Variants in QTRT1 observed in about 807,000 individuals in gnomAD.
The protein encoded by QTRT1 is queuine tRNA-ribosyltransferase catalytic subunit 1.
A neutral mutation model predicts 44.0 loss-of-function variants in QTRT1; 41 were observed. The observed-to-expected ratio is 0.93, with a 90% CI of 0.73 to 1.21. QTRT1 has a LOEUF of 1.21. Among genes scored for constraint, QTRT1 ranks in the 50% most tolerant of loss-of-function variants. QTRT1 has a pLI of 0.00. For synonymous variants in QTRT1, 226 were observed against 237.1 expected, an observed-to-expected ratio of 0.95 and a Z score of 0.43; for missense variants, 542 against 575.8, an observed-to-expected ratio of 0.94 and a Z score of 0.60.
chr19:10,702,199 C>G lies in QTRT1; in HGVS notation c.396C>G (p.Asp132Glu). 1.2e-6 allele frequency: 2 copies of G among 1,614,108 alleles called. No homozygotes were observed. Residue 132 changes from aspartate (D) to glutamate (E), a missense_variant, in exon 3 of 10, where the codon GAC becomes GAG. By Grantham distance (45) the Asp-to-Glu change is conservative. Coordinates refer to ENST00000250237, the MANE Select transcript of QTRT1 (RefSeq NM_031209.3). ...EEGVRFRSPYDGNETLLSPEK... is the reference protein window; with the variant it reads ...EEGVRFRSPYEGNETLLSPEK... Reference sequence around the variant, plus strand: ...GCGTCCGCTTCCGCTCCCCCTACGACGGCAATGAGACCCTGCTGAGCCCGG... The same window carrying G: ...GCGTCCGCTTCCGCTCCCCCTACGAGGGCAATGAGACCCTGCTGAGCCCGG...
intron 5 of QTRT1, among the ~76,000 whole-genome samples, chr19:10,710,688 G>A (rs1255236941): frequency 1.2e-4 from 18 of 151,924 alleles, no homozygotes; most frequent in Non-Finnish European, 2.2e-4. Context: ...TTGGGAGGCT[G>A]CAGTGGGCGG....
chr19:10,713,147 C>A lies in QTRT1; in HGVS notation c.1089C>A (p.Ser363Arg). The A allele has an allele frequency of 1.2e-6, 2 of 1,609,272 alleles. No homozygotes were observed. The highest frequency in any genetic ancestry group is 1.7e-5 in the Admixed American group (1 of 59,872). Residue 363 changes from serine to arginine, a missense_variant, in exon 10 of 10, where the codon AGC (serine) becomes AGA (arginine). Ser to Arg is a moderately radical substitution (Grantham distance 110, BLOSUM62 -1). Transcript: ENST00000250237. This position sits in a 1 kb window ranked among gnomAD's most constrained non-coding sequence, Gnocchi z 4.3. ...QLQLMSAVRTSIVEKRFPDFV... is the reference protein window; with the variant it reads ...QLQLMSAVRTRIVEKRFPDFV... ...AGCTCATGAGCGCCGTCCGCACCAG[C>A]ATCGTGGAGAAGCGCTTCCCGGACT...
Position 10,702,759 on chromosome 19 carries a change from C to CTT in QTRT1, c.451+531_451+532dup, listed in dbSNP as rs34948949. 3.5e-4 allele frequency among the ~76,000 whole-genome samples: 24 copies of CTT among 68,482 alleles called. 1 individual carries two copies. Among genetic ancestry groups the CTT allele is most frequent in the South Asian group, 1.7e-3 (2 of 1,208 alleles). The allele number at this position is 68,482 out of a possible 152,430, so 44.9% of individuals were successfully genotyped here. ...CTTCTCCCATATCCTCAATATCCTT[C>CTT]TTTTTTTTTTTTTTTTTTTTTTTTT... On this transcript the variant is annotated intron_variant, in intron 3 of 9. Transcript: ENST00000250237.
chr19:10,713,004 G>A lies in QTRT1; in HGVS notation c.1023G>A (p.Ala341=), dbSNP rs1045873065. Residue 341 remains alanine, a synonymous_variant, in exon 9 of 10, where the codon GCG becomes GCA. Transcript: ENST00000250237. The surrounding 1 kb of genome is among the most constrained non-coding windows in gnomAD (Gnocchi z 4.3). ...TGCTGCACAGTGACAACACGGCCGC[G>A]CTGCACCACCTCACGGTCCACAACA... The part of the protein sequence containing the change: ...HALLHSDNTA[A]LHHLTVHNIA... 5.6e-6 allele frequency: 9 copies of A among 1,611,798 alleles called. No homozygotes were observed. Among genetic ancestry groups the A allele is most frequent in the South Asian group, 2.2e-5 (2 of 91,078 alleles).
intron 5 of QTRT1, chr19:10,711,753 C>T (rs570413387): frequency 2.6e-4 from 67 of 257,044 alleles, no homozygotes; most frequent in African/African-American, 1.4e-3. Flanking sequence ...TGAGCCACTG[C>T]GCCTAACATG....
intron 3 of QTRT1, among the ~76,000 whole-genome samples, chr19:10,702,613 G>T (rs559734012): frequency 2.0e-5 from 3 of 151,718 alleles, no homozygotes; most frequent in Admixed American, 1.3e-4. Flanking sequence ...AGACCAGCTT[G>T]GGCAATACAG....
In QTRT1 at chr19:10,702,274, C is replaced by T. The variant is rs753970073; in HGVS notation, c.451+20C>T. The T allele has an allele frequency of 1.2e-6, 2 of 1,611,054 alleles. No homozygotes were observed. Among genetic ancestry groups the T allele is most frequent in the Non-Finnish European group, 8.5e-7 (1 of 1,178,524 alleles). On this transcript the variant is annotated intron_variant, in intron 3 of 9. Coordinates refer to ENST00000250237, the MANE Select transcript of QTRT1 (RefSeq NM_031209.3). ...CGCTGGGTGAGAGGACCCTGGGGAGCCGCCTCCTTACCCTGTCTGTCAGGG... is the reference window on the plus strand; with the variant it reads ...CGCTGGGTGAGAGGACCCTGGGGAGTCGCCTCCTTACCCTGTCTGTCAGGG...
rs376848453 is a variant in QTRT1, at chr19:10,702,234, T to A, written c.431T>A (p.Val144Glu). 9 of 1,613,950 alleles carry A rather than the reference T, an allele frequency of 5.6e-6. No individual in the cohort carries two copies. The highest frequency in any genetic ancestry group is 7.6e-6 in the Non-Finnish European group (9 of 1,179,990). ...ACCCTGCTGAGCCCGGAGAAATCCG[T>A]GCAGATCCAGAATGCGCTGGGTGAG... The part of the protein sequence containing the change: ...NETLLSPEKS[V>E]QIQNALGSDI... Residue 144 changes from valine (V) to glutamate (E), a missense_variant, in exon 3 of 10, where the codon GTG becomes GAG. By Grantham distance (121) the Val-to-Glu change is moderately radical (BLOSUM62 -2). Coordinates refer to ENST00000250237, the MANE Select transcript of QTRT1 (RefSeq NM_031209.3).
At chr19:10,710,504 A>G (rs2068733894) in intron 5 of QTRT1, among the ~76,000 whole-genome samples, 1 of 151,958 alleles carries the variant, frequency 6.6e-6, no homozygotes, top group Non-Finnish European at 1.5e-5. Flanking sequence ...TTTAGTAGGG[A>G]TGGGGTTTCA....
rs760014409 is a variant in QTRT1, at chr19:10,712,628, G to A, written c.861G>A (p.Ala287=). The A allele has an allele frequency of 8.7e-6, 14 of 1,612,072 alleles. No individual in the cohort carries two copies. Among genetic ancestry groups the A allele is most frequent in the South Asian group, 3.3e-5 (3 of 91,046 alleles). Residue 287 remains alanine (A), a splice_region_variant and synonymous_variant, in exon 7 of 10, where the codon GCG becomes GCA. Coordinates refer to ENST00000250237, the MANE Select transcript of QTRT1 (RefSeq NM_031209.3). The surrounding 1 kb of genome is among the most constrained non-coding windows in gnomAD (Gnocchi z 5.6). ...ACTGCGTCTTCCCCACACGGACAGCGGTGAGGCTCTGGCAGAAGGAGGTCA... is the reference window on the plus strand; with the variant it reads ...ACTGCGTCTTCCCCACACGGACAGCAGTGAGGCTCTGGCAGAAGGAGGTCA... The part of the protein sequence containing the change: ...MFDCVFPTRT[A]RFGSALVPTG...
intron 3 of QTRT1, among the ~76,000 whole-genome samples, chr19:10,703,827 TA>T (rs1428027466): frequency 1.3e-5 from 2 of 150,890 alleles, no homozygotes; most frequent in South Asian, 4.2e-4. Flanking sequence ...CCTATAAGTT[TA>T]TTTTTTTATG....
chr19:10,707,389 A>T lies in QTRT1; in HGVS notation c.530+9A>T. The T allele has an allele frequency of 6.2e-7, 1 of 1,613,416 alleles. No homozygotes were observed. The highest frequency in any genetic ancestry group is 8.5e-7 in the Non-Finnish European group (1 of 1,179,486). On this transcript the variant is annotated intron_variant, in intron 4 of 9. Coordinates refer to ENST00000250237, the MANE Select transcript of QTRT1 (RefSeq NM_031209.3). The stretch of plus-strand genomic sequence containing the variant: ...GAGGAGGCCATGTACAGGTGTGTAT[A>T]TGCTGTGTGCATGTGTGGGATATGT...
chr19:10,712,271 G>A lies in QTRT1; in HGVS notation c.757G>A (p.Asp253Asn). Residue 253 changes from aspartate (D) to asparagine (N), a missense_variant, in exon 6 of 10, where the codon GAC becomes AAC. Physicochemically the swap from Asp to Asn is conservative, Grantham distance 23. Transcript: ENST00000250237. The surrounding 1 kb of genome is among the most constrained non-coding windows in gnomAD (Gnocchi z 5.6). Reference protein sequence around the residue: ...VALSTSRLPKDKPRYLMGVGY... With the variant: ...VALSTSRLPKNKPRYLMGVGY... ...GCTGAGCACCTCTCGGCTGCCGAAG[G>A]ACAAGCCCCGATATCTGATGGGGGT... 3.1e-6 allele frequency: 5 copies of A among 1,613,680 alleles called. No homozygotes were observed. The highest frequency in any genetic ancestry group is 3.4e-6 in the Non-Finnish European group (4 of 1,179,846).
chr19:10,701,457 C>A lies in QTRT1; in HGVS notation c.-4C>A. The stretch of plus-strand genomic sequence containing the variant: ...GTACGGCCCACGTGGTTCCGACAGT[C>A]AAGATGGCGGGAGCAGCTACCCAGG... On this transcript the variant is annotated 5_prime_UTR_variant, in exon 1 of 10. Coordinates refer to ENST00000250237, the MANE Select transcript of QTRT1 (RefSeq NM_031209.3). 6.5e-7 allele frequency: 1 copy of A among 1,542,276 alleles called. No homozygotes were observed. The highest frequency in any genetic ancestry group is 2.3e-5 in the East Asian group (1 of 44,118).
In QTRT1 at chr19:10,702,252, T is replaced by C. The variant is rs769290351; in HGVS notation, c.449T>C (p.Leu150Pro). The change falls in exon 3 of 10, where the codon CTG (leucine) becomes CCG (proline). Residue 150 changes from leucine (L) to proline (P), a missense_variant and splice_region_variant. Coordinates refer to ENST00000250237, the MANE Select transcript of QTRT1 (RefSeq NM_031209.3). Reference sequence around the variant, plus strand: ...AAATCCGTGCAGATCCAGAATGCGCTGGGTGAGAGGACCCTGGGGAGCCGC... The same window carrying C: ...AAATCCGTGCAGATCCAGAATGCGCCGGGTGAGAGGACCCTGGGGAGCCGC... Reference protein sequence around the residue: ...PEKSVQIQNALGSDIIMQLDD... With the variant: ...PEKSVQIQNAPGSDIIMQLDD... 8.7e-6 allele frequency: 14 copies of C among 1,613,768 alleles called. No individual in the cohort carries two copies. The South Asian group carries it at 1.5e-4, about 18-fold the overall frequency.
Position 10,713,015 on chromosome 19 carries a change from T to TG in QTRT1, c.1034_1035insG (p.Thr346HisfsTer48). The TG allele has an allele frequency of 6.2e-7, 1 of 1,611,478 alleles. No individual in the cohort carries two copies. Among genetic ancestry groups the TG allele is most frequent in the Non-Finnish European group, 8.5e-7 (1 of 1,179,886 alleles). ...GACAACACGGCCGCGCTGCACCACCTCACGGTCCACAACATCGCCTACCAG... is the reference window on the plus strand; with the variant it reads ...GACAACACGGCCGCGCTGCACCACCTGCACGGTCCACAACATCGCCTACCAG... On this transcript the variant is annotated frameshift_variant, in exon 9 of 10. Transcript: ENST00000250237. LOFTEE classifies it high-confidence loss of function. The surrounding 1 kb of genome is among the most constrained non-coding windows in gnomAD (Gnocchi z 4.3).
intron 3 of QTRT1, among the ~76,000 whole-genome samples, chr19:10,705,283 G>A (rs761819415): frequency 6.6e-6 from 1 of 151,392 alleles, no homozygotes; most frequent in African/African-American, 2.4e-5. Flanking sequence ...CTTTGACCAA[G>A]GCTGGAGTGC....
rs1273727046 is a variant in QTRT1 at position 10,707,386 on chromosome 19, T to C, written c.530+6T>C. 1 of 1,613,498 alleles carries C rather than the reference T, an allele frequency of 6.2e-7. No individual in the cohort carries two copies. Among genetic ancestry groups the C allele is most frequent in the East Asian group, 2.2e-5 (1 of 44,882 alleles). ...GTGGAGGAGGCCATGTACAGGTGTG[T>C]ATATGCTGTGTGCATGTGTGGGATA... On this transcript the variant is annotated splice_donor_region_variant and intron_variant, in intron 4 of 9. Transcript: ENST00000250237.
chr19:10,708,545 C>T (rs750924896), intron 5 of QTRT1, among the ~76,000 whole-genome samples: 2 of 152,264 alleles, frequency 1.3e-5, no homozygotes, highest in Non-Finnish European at 1.5e-5. Flanking sequence ...ACAAGCACCG[C>T]CCCATGGGGT....
Sources: allele counts gnomAD v4.1 joint callset (sites outside exome capture counted in the v4.1 genomes callset), GRCh38; gene constraint gnomAD v4.1.1; non-coding constraint Gnocchi (gnomAD v3.1); transcripts MANE v1.5; gene names NCBI Gene and HGNC (gene_info 2026-07-23, HGNC 2026-07-21).